The following PREX1 variants were observed in gnomAD, a reference collection of about 807,000 sequenced individuals.
PREX1 encodes the protein phosphatidylinositol 3,4,5-trisphosphate-dependent Rac exchanger 1 protein.
PREX1 carries 41 observed loss-of-function variants against 198.3 expected under a neutral mutation model. The observed-to-expected ratio is 0.21, with a 90% CI of 0.16 to 0.27. PREX1 has a LOEUF of 0.27. Among genes scored for constraint, PREX1 ranks in the 10% least tolerant of loss-of-function variants. The probability of loss-of-function intolerance (pLI) is 1.00; values close to 1 mark genes in which losing one functional copy is unlikely to be tolerated. For missense variants in PREX1, 1,620 were observed against 2,200.7 expected (o/e 0.74, Z 5.28); for synonymous variants, 843 against 887.2 (o/e 0.95, Z 0.89).
intron 17 of PREX1, 30 bp downstream of exon 17, chr20:48,658,106 G>A (rs199982043): frequency 1.9e-5 from 31 of 1,598,188 alleles, no homozygotes; most frequent in Middle Eastern, 1.7e-4. Flanking sequence ...ACCTGCACAC[G>A]GTCCCTGCCA....
At position 48,666,338 on chromosome 20, in the gene PREX1, C is replaced by T; in HGVS notation, c.1683G>A (p.Arg561=). ...WLLAQGDCQT[R]EEAVALGVGL... is the part of the protein sequence containing the mutation. ...CCACGCCGAGCGCCACTGCCTCCTC[C>T]CGAGTCTGGCAGTCTCCCTGGAATG... The change falls in exon 15 of 40, where the codon CGG becomes CGA. Residue 561 remains arginine (R), a synonymous_variant. Coordinates refer to ENST00000371941, the MANE Select transcript of PREX1 (RefSeq NM_020820.4). The surrounding 1 kb of genome is among the most constrained non-coding windows in gnomAD (Gnocchi z 4.3). 2 of 1,564,788 alleles carry T rather than the reference C, an allele frequency of 1.3e-6. No individual in the cohort carries two copies. The highest frequency in any genetic ancestry group is 1.7e-6 in the Non-Finnish European group (2 of 1,155,182).
At chr20:48,860,783 C>T in the PREX1 span, among the ~76,000 whole-genome samples, 2 of 149,918 alleles carry the variant, frequency 1.3e-5, no homozygotes, top group African/African-American at 2.5e-5. Flanking sequence ...TGCAGTGAGC[C>T]GAGATCGCAC....
At chr20:48,693,802 G>T (rs183732910) in intron 7 of PREX1, among the ~76,000 whole-genome samples, 3 of 151,346 alleles carry the variant, frequency 2.0e-5, no homozygotes, top group Admixed American at 6.6e-5. Context: ...TACAGACAGG[G>T]TTTCACTGTG....
At chr20:48,804,172 T>C (rs78473917) in intron 1 of PREX1, among the ~76,000 whole-genome samples, 16,773 of 152,322 alleles carry the variant, frequency 0.11, 1,085 homozygotes, top group Middle Eastern at 0.24. Flanking sequence ...TCTTTCACTC[T>C]GCAAATATCT....
rs373483472 is a variant in PREX1 at position 48,629,434 on chromosome 20, C to T, written c.4766+15G>A. 26 of 1,609,220 alleles carry T rather than the reference C, an allele frequency of 1.6e-5. No individual in the cohort carries two copies. The highest frequency in any genetic ancestry group is 6.7e-5 in the East Asian group (3 of 44,798). ...AGCCCCTCCCCACACCCCGACTCAG[C>T]GGGCAGCAGCTCACCTCTGCATGCC... On this transcript the variant is annotated intron_variant, in intron 37 of 39. Transcript: ENST00000371941.
rs79286672 is a variant in PREX1 at position 48,662,417 on chromosome 20, C to T, written c.1739-2356G>A. Among the ~76,000 whole-genome samples, 8 of 152,322 alleles carry T rather than the reference C, an allele frequency of 5.3e-5. No individual in the cohort carries two copies. The East Asian group carries it at 1.5e-3, about 29-fold the overall frequency. On this transcript the variant is annotated intron_variant, in intron 15 of 39. Transcript: ENST00000371941. ...TGCTGGTCCGGCTTTATAGGATAAT[C>T]TCAGATCTGGGTTCAAATCCCTGCT...
chr20:48,742,160 G>A lies in PREX1; in HGVS notation c.414+2865C>T, dbSNP rs1041278659. 2.6e-5 allele frequency among the ~76,000 whole-genome samples: 4 copies of A among 152,174 alleles called. 1 individual carries two copies. The South Asian group carries it at 8.3e-4, about 32-fold the overall frequency. ...CTGGAAGGACGGGAGCCCTGCTGAG[G>A]TGCAGGGGGGCTCATGATAGATCGC... is the stretch of plus-strand genomic sequence containing the variant. On this transcript the variant is annotated intron_variant, in intron 3 of 39. Transcript: ENST00000371941.
intron 1 of PREX1, among the ~76,000 whole-genome samples, chr20:48,789,519 C>T (rs1162904811): frequency 2.0e-5 from 3 of 152,172 alleles, no homozygotes; most frequent in Non-Finnish European, 4.4e-5. Context: ...GATAAGGGAG[C>T]GGAGTCACCT....
intron 3 of PREX1, among the ~76,000 whole-genome samples, chr20:48,741,435 C>CT (rs1343855681): frequency 2.0e-5 from 3 of 152,144 alleles, no homozygotes; most frequent in African/African-American, 7.2e-5. Context: ...TCTCAACTCA[C>CT]TGCAGCCTCA....
rs200731207 is a variant in PREX1 at position 48,632,258 on chromosome 20, G to A, written c.4526+19C>T. The A allele has an allele frequency of 1.9e-4, 314 of 1,612,186 alleles. No individual in the cohort carries two copies. Among genetic ancestry groups the A allele is most frequent in the Non-Finnish European group, 2.3e-4 (272 of 1,178,942 alleles). Reference sequence around the variant, plus strand: ...AGGTTTCCTGACTCCTGCCCCCAACGGGGACCCCAGGCGGATACCTGAGTT... The same window carrying A: ...AGGTTTCCTGACTCCTGCCCCCAACAGGGACCCCAGGCGGATACCTGAGTT... On this transcript the variant is annotated intron_variant, in intron 35 of 39. Coordinates refer to ENST00000371941, the MANE Select transcript of PREX1 (RefSeq NM_020820.4).
intron 18 of PREX1, 127 bp from the exon 19 acceptor site, chr20:48,655,502 G>A: frequency 1.3e-6 from 1 of 741,052 alleles, no homozygotes; most frequent in Non-Finnish European, 2.1e-6. Flanking sequence ...CAAAATAGTA[G>A]TAGCACCACC....
At chr20:48,655,440 C>G (rs998277073) in intron 18 of PREX1, 65 bp from the exon 19 acceptor site, 108 of 1,304,430 alleles carry the variant, frequency 8.3e-5, no homozygotes, top group Non-Finnish European at 1.1e-4. Flanking sequence ...CTCAATAACC[C>G]CGGTGCCAAC....
intron 10 of PREX1, among the ~76,000 whole-genome samples, chr20:48,681,973 A>T (rs185446238): frequency 5.8e-4 from 88 of 152,210 alleles, no homozygotes; most frequent in Middle Eastern, 3.4e-3. Context: ...GCTAACAGTG[A>T]TGAAACCATG....
At chr20:48,649,104 T>C (rs1381666422) in intron 25 of PREX1, among the ~76,000 whole-genome samples, 196 bp downstream of exon 25, 1 of 152,142 alleles carries the variant, frequency 6.6e-6, no homozygotes, top group Admixed American at 6.5e-5. Flanking sequence ...CTGAAGACAT[T>C]TTTGGTTGTC....
At chr20:48,874,556 G>A in the PREX1 span, among the ~76,000 whole-genome samples, 23 of 152,022 alleles carry the variant, frequency 1.5e-4, no homozygotes, top group Admixed American at 9.8e-4. Context: ...AAGAAACCAG[G>A]AGCCTCTCTT....
At chr20:48,834,611 G>A in the PREX1 span, among the ~76,000 whole-genome samples, 1 of 151,960 alleles carries the variant, frequency 6.6e-6, no homozygotes, top group African/African-American at 2.4e-5. Flanking sequence ...CCAGGCTAGA[G>A]TGCAGTGGCA....
intron 4 of PREX1, among the ~76,000 whole-genome samples, chr20:48,731,868 G>T (rs542678973): frequency 1.3e-5 from 2 of 152,216 alleles, no homozygotes; most frequent in Non-Finnish European, 2.9e-5. Context: ...AAGAAAGAAA[G>T]AAGTCAGTCC....
chr20:48,813,688 G>A (rs1445541515), intron 1 of PREX1, among the ~76,000 whole-genome samples: 2 of 151,968 alleles, frequency 1.3e-5, no homozygotes, highest in Admixed American at 6.5e-5. Flanking sequence ...AGGGAGAGGG[G>A]GAGCGATCAA....
At chr20:48,668,163 G>A (rs1007975030) in intron 14 of PREX1, among the ~76,000 whole-genome samples, 6 of 152,156 alleles carry the variant, frequency 3.9e-5, no homozygotes, top group South Asian at 2.1e-4. Flanking sequence ...GTGTGTGTGC[G>A]TGCATGCGCA....
Sources: gnomAD v4.1 joint callset for allele counts (sites outside exome capture counted in the v4.1 genomes callset) on GRCh38, gnomAD v4.1.1 for gene constraint, Gnocchi (gnomAD v3.1) non-coding constraint, MANE v1.5 for transcripts, NCBI Gene and HGNC (gene_info 2026-07-23, HGNC 2026-07-21) for gene names.